TRIO: variants seen among roughly 807,000 people sequenced by gnomAD.
The protein encoded by TRIO is trio Rho guanine nucleotide exchange factor, also known as triple functional domain protein.
A neutral mutation model predicts 351.9 loss-of-function variants in TRIO; 58 were observed. The observed-to-expected ratio is 0.16, with a 90% confidence interval of 0.13 to 0.21. The LOEUF is 0.21. TRIO is among the 10% of genes least tolerant of loss of function. The pLI is 1.00. For missense variants in TRIO, 3,201 were observed against 4,027.8 expected (o/e 0.79, Z 5.56); for synonymous variants, 1,758 against 1,595.7 (o/e 1.10, Z -2.42).
intron 10 of TRIO, among the ~76,000 whole-genome samples, chr5:14,332,412 A>G (rs1221396155): frequency 1.3e-5 from 2 of 152,230 alleles, no homozygotes; most frequent in African/African-American, 4.8e-5. Context: ...TGCAAGGAGG[A>G]TAACTGCCTC....
intron 1 of TRIO, among the ~76,000 whole-genome samples, chr5:14,261,688 C>G (rs116045392): frequency 6.6e-6 from 1 of 152,192 alleles, no homozygotes; most frequent in African/African-American, 2.4e-5. Context: ...TGAAGGCTTG[C>G]GTTTCCTTTG....
At chr5:14,267,435 C>T (rs1052056324) in intron 1 of TRIO, among the ~76,000 whole-genome samples, 1 of 152,110 alleles carries the variant, frequency 6.6e-6, no homozygotes, top group African/African-American at 2.4e-5. Context: ...CGAGGGCAGC[C>T]TGTATTTGCT....
intron 1 of TRIO, among the ~76,000 whole-genome samples, chr5:14,147,156 A>AG (rs1279513893): frequency 1.3e-5 from 2 of 152,164 alleles, no homozygotes; most frequent in Admixed American, 1.3e-4. Flanking sequence ...AAGAGCAAAA[A>AG]GAAAAAAAAA....
At position 14,363,848 on chromosome 5, in the gene TRIO, G is replaced by A; in HGVS notation, c.2508G>A (p.Leu836=). The change falls in exon 14 of 57, where the codon TTG becomes TTA. Residue 836 remains leucine, a synonymous_variant. Transcript: ENST00000344204. ...QRLQHHADKA[L]TMNNLTFDVI... ...TCCAGCACCATGCAGACAAAGCCTT[G>A]ACCATGAACAACTTGACTTTTGACG... The A allele has an allele frequency of 1.9e-6, 3 of 1,614,190 alleles. No homozygotes were observed. Among genetic ancestry groups the A allele is most frequent in the Non-Finnish European group, 2.5e-6 (3 of 1,180,034 alleles).
chr5:14,284,446 T>C (rs1008830227), intron 3 of TRIO, among the ~76,000 whole-genome samples: 1 of 152,246 alleles, frequency 6.6e-6, no homozygotes, highest in Non-Finnish European at 1.5e-5. Context: ...ATTGAAATGC[T>C]GTGCACTCCC....
At chr5:14,230,527 T>G (rs946231508) in intron 1 of TRIO, among the ~76,000 whole-genome samples, 1 of 152,138 alleles carries the variant, frequency 6.6e-6, no homozygotes, top group African/African-American at 2.4e-5. Context: ...GATCATACTT[T>G]CCTGTGCTCT....
intron 34 of TRIO, among the ~76,000 whole-genome samples, chr5:14,453,650 G>T (rs978123431): frequency 2.0e-5 from 3 of 152,144 alleles, no homozygotes; most frequent in African/African-American, 7.2e-5. Flanking sequence ...GCTGTGTAGT[G>T]GGAGTGCCAG....
intron 53 of TRIO, among the ~76,000 whole-genome samples, chr5:14,500,195 T>C (rs1281282739): frequency 1.3e-5 from 2 of 152,218 alleles, no homozygotes; most frequent in African/African-American, 4.8e-5. Context: ...TATTCCAAGA[T>C]GATCTTAACC....
rs531580582 is a variant in TRIO, at chr5:14,284,182, G to A, written c.348-2689G>A. Among the ~76,000 whole-genome samples, 7 of 152,244 alleles carry A rather than the reference G, an allele frequency of 4.6e-5. No homozygotes were observed. The South Asian group carries it at 6.2e-4, about 14-fold the overall frequency. ...TTTTTAGGGACCTGTGTTGAAAGGG[G>A]ACCTTATTTTTATGTGAACTTTCTT... On this transcript the variant is annotated intron_variant, in intron 3 of 56. Coordinates refer to ENST00000344204, the MANE Select transcript of TRIO (RefSeq NM_007118.4).
intron 27 of TRIO, among the ~76,000 whole-genome samples, chr5:14,392,712 G>A (rs1747199886): frequency 6.6e-6 from 1 of 152,212 alleles, no homozygotes; most frequent in Non-Finnish European, 1.5e-5. Flanking sequence ...TAAAGAAAAT[G>A]TGGCACATAT....
chr5:14,268,832 C>T (rs1561272976), intron 1 of TRIO, among the ~76,000 whole-genome samples: 1 of 152,140 alleles, frequency 6.6e-6, no homozygotes, highest in African/African-American at 2.4e-5. Flanking sequence ...TGCAGTTGCC[C>T]CAGTGCCATC....
intron 6 of TRIO, among the ~76,000 whole-genome samples, chr5:14,294,252 C>CTA (rs1161702355): frequency 6.6e-6 from 1 of 152,032 alleles, no homozygotes; most frequent in Non-Finnish European, 1.5e-5. Context: ...CAGAAAGATG[C>CTA]CATTTAATTA....
intron 1 of TRIO, among the ~76,000 whole-genome samples, chr5:14,260,817 TA>T: frequency 6.6e-6 from 1 of 152,370 alleles, no homozygotes; most frequent in South Asian, 2.1e-4. Flanking sequence ...TACTGTATTT[TA>T]AATTCAACAT....
chr5:14,221,736 C>T (rs570122038), intron 1 of TRIO, among the ~76,000 whole-genome samples: 1 of 152,324 alleles, frequency 6.6e-6, no homozygotes, highest in East Asian at 1.9e-4. Context: ...CGTTGCTTCT[C>T]ATGAATGAGC....
At chr5:14,462,067 C>T (rs1231458198) in intron 35 of TRIO, among the ~76,000 whole-genome samples, 1 of 152,152 alleles carries the variant, frequency 6.6e-6, no homozygotes, top group Non-Finnish European at 1.5e-5. Flanking sequence ...GATCGACCCC[C>T]GACTCAAGTC....
chr5:14,422,545 C>T (rs1295378515), intron 34 of TRIO, among the ~76,000 whole-genome samples: 1 of 152,164 alleles, frequency 6.6e-6, no homozygotes, highest in Admixed American at 6.5e-5. Context: ...AGTCTAATTA[C>T]TCAGATCAGC....
At chr5:14,476,149 T>G (rs1037138162) in intron 40 of TRIO, among the ~76,000 whole-genome samples, 6 of 152,228 alleles carry the variant, frequency 3.9e-5, no homozygotes, top group African/African-American at 7.2e-5. Context: ...CTGTCCAATT[T>G]GAGTCTCTAA....
intron 1 of TRIO, among the ~76,000 whole-genome samples, chr5:14,251,538 C>T (rs911080057): frequency 6.6e-6 from 1 of 152,228 alleles, no homozygotes; most frequent in African/African-American, 2.4e-5. Context: ...CTGTTCCTCC[C>T]TCTCCACAGC....
chr5:14,203,634 T>C (rs1321804030), intron 1 of TRIO, among the ~76,000 whole-genome samples: 4 of 152,230 alleles, frequency 2.6e-5, no homozygotes, highest in African/African-American at 9.6e-5. Flanking sequence ...AAAATGTATG[T>C]AGTAATTGTC....
Sources: allele counts gnomAD v4.1 joint callset (sites outside exome capture counted in the v4.1 genomes callset), GRCh38; gene constraint gnomAD v4.1.1; transcripts MANE v1.5; gene names NCBI Gene and HGNC (gene_info 2026-07-23, HGNC 2026-07-21).